Variants in DHRS13 observed in about 807,000 individuals in gnomAD.
DHRS13 encodes the protein dehydrogenase/reductase SDR family member 13.
A neutral mutation model predicts 17.9 loss-of-function variants in DHRS13; 22 were observed. The observed-to-expected ratio is 1.23, with a 90% CI of 0.88 to 1.75. The LOEUF is 1.75. Ranked by LOEUF, DHRS13 falls within the 40% of genes most tolerant of loss-of-function variation. DHRS13 has a pLI of 0.00. For missense variants in DHRS13, 483 were observed against 519.9 expected (o/e 0.93, Z 0.69); for synonymous variants, 206 against 220.4 (o/e 0.93, Z 0.58).
In DHRS13 at chr17:28,901,675, C is replaced by T. The variant is rs1018214817; in HGVS notation, c.247-59G>A. 5 of 1,600,290 alleles carry T rather than the reference C, an allele frequency of 3.1e-6. No homozygotes were observed. Among genetic ancestry groups the T allele is most frequent in the Non-Finnish European group, 4.3e-6 (5 of 1,171,004 alleles). ...GCATCTCTCTCCTCTTCCCTCTCCCCAGGCACCAAATTCTGAGAGTCCATC... is the reference window on the plus strand; with the variant it reads ...GCATCTCTCTCCTCTTCCCTCTCCCTAGGCACCAAATTCTGAGAGTCCATC... On this transcript the variant is annotated intron_variant, in intron 2 of 4. Transcript: ENST00000378895. This position sits in a 1 kb window ranked among gnomAD's most constrained non-coding sequence, Gnocchi z 4.3.
chr17:28,901,586 C>T lies in DHRS13; in HGVS notation c.277G>A (p.Ala93Thr). 2 of 1,614,228 alleles carry T rather than the reference C, an allele frequency of 1.2e-6. No homozygotes were observed. Among genetic ancestry groups the T allele is most frequent in the Middle Eastern group, 1.6e-4 (1 of 6,062 alleles). ...GAGGCCAGACTGGCCAAGTCCAAGG[C>T]CATGAAGATGACCTCATTGTTCCCA... ...ESGNNEVIFM[A>T]LDLASLASVR... Residue 93 changes from alanine (A) to threonine (T), a missense_variant, in exon 3 of 5, where the codon GCC becomes ACC. Physicochemically the swap from Ala to Thr is moderately conservative, Grantham distance 58. Coordinates refer to ENST00000378895, the MANE Select transcript of DHRS13 (RefSeq NM_144683.4). The surrounding 1 kb of genome is among the most constrained non-coding windows in gnomAD (Gnocchi z 4.3).
rs1444426276 is a variant in DHRS13, at chr17:28,901,778, C to G, written c.247-162G>C. Reference sequence around the variant, plus strand: ...GTGTGGATTCAAATCCTGACTTTGCCTTTTACTAAAGTGTGACCTTGGGCA... The same window carrying G: ...GTGTGGATTCAAATCCTGACTTTGCGTTTTACTAAAGTGTGACCTTGGGCA... On this transcript the variant is annotated intron_variant, in intron 2 of 4. Transcript: ENST00000378895. The surrounding 1 kb of genome is among the most constrained non-coding windows in gnomAD (Gnocchi z 4.3). 7 of 1,267,884 alleles carry G rather than the reference C, an allele frequency of 5.5e-6. No homozygotes were observed. The highest frequency in any genetic ancestry group is 7.4e-6 in the Non-Finnish European group (7 of 947,990). The allele number at this position is 1,267,884 out of a possible 1,614,324, so 78.5% of individuals were successfully genotyped here.
rs1007613799 is a variant in DHRS13, at chr17:28,901,799, G to A, written c.247-183C>T. Reference sequence around the variant, plus strand: ...TTGCCTTTTACTAAAGTGTGACCTTGGGCAAGATACTTAATCTCTCTGGGT... The same window carrying A: ...TTGCCTTTTACTAAAGTGTGACCTTAGGCAAGATACTTAATCTCTCTGGGT... On this transcript the variant is annotated intron_variant, in intron 2 of 4. Transcript: ENST00000378895. The surrounding 1 kb of genome is among the most constrained non-coding windows in gnomAD (Gnocchi z 4.3). The A allele has an allele frequency of 7.4e-5, 70 of 948,454 alleles. No individual in the cohort carries two copies. The highest frequency in any genetic ancestry group is 1.8e-4 in the Admixed American group (6 of 32,510). 58.8% of individuals were successfully genotyped at this position (948,454 alleles called of 1,614,324 possible). A position where few individuals can be genotyped will look rare whatever the true frequency, so the allele number is the denominator to read the frequency against.
Position 28,898,634 on chromosome 17 carries a change from C to T in DHRS13, c.941G>A (p.Gly314Glu). 6.2e-7 allele frequency: 1 copy of T among 1,613,692 alleles called. No individual in the cohort carries two copies. The highest frequency in any genetic ancestry group is 8.5e-7 in the Non-Finnish European group (1 of 1,179,860). ...ATCGGGTTCAGCATCCTCCCCAGGCCCAAGCCCTGCCAGCCTCTTGCTGGC... is the reference window on the plus strand; with the variant it reads ...ATCGGGTTCAGCATCCTCCCCAGGCTCAAGCCCTGCCAGCCTCTTGCTGGC... Reference protein sequence around the residue: ...WEASKRLAGLGPGEDAEPDED... With the variant: ...WEASKRLAGLEPGEDAEPDED... The change falls in exon 5 of 5, where the codon GGG becomes GAG. Residue 314 changes from glycine (G) to glutamate (E), a missense_variant. Coordinates refer to ENST00000378895, the MANE Select transcript of DHRS13 (RefSeq NM_144683.4).
intron 4 of DHRS13, among the ~76,000 whole-genome samples, 189 bp downstream of exon 4, chr17:28,900,801 C>A (rs777181629): frequency 6.6e-6 from 1 of 152,140 alleles, no homozygotes; most frequent in Non-Finnish European, 1.5e-5. Flanking sequence ...AGAGGAAGAA[C>A]CTAAACCAGG....
At position 28,902,740 on chromosome 17, in the gene DHRS13, G is replaced by A; in HGVS notation, c.128-39C>T. The A allele has an allele frequency of 7.3e-7, 1 of 1,373,854 alleles. No homozygotes were observed. 85.1% of individuals were successfully genotyped at this position (1,373,854 alleles called of 1,614,324 possible). A position where few individuals can be genotyped will look rare whatever the true frequency, so the allele number is the denominator to read the frequency against. ...GCGGGAGCCGAGCTGAGCTGAGCCC[G>A]GCGGGCCGCTGCTACCGCCGGCCCG... On this transcript the variant is annotated intron_variant, in intron 1 of 4. Transcript: ENST00000378895. This position sits in a 1 kb window ranked among gnomAD's most constrained non-coding sequence, Gnocchi z 4.0.
intron 4 of DHRS13, among the ~76,000 whole-genome samples, chr17:28,900,314 C>T (rs930705322): frequency 2.0e-5 from 3 of 152,338 alleles, no homozygotes; most frequent in Non-Finnish European, 1.5e-5. Flanking sequence ...CAGGCATGAG[C>T]CACCGCTTCC....
Position 28,902,456 on chromosome 17 carries a change from T to A in DHRS13, c.246+127A>T. ...ACCCCAGCGCTCCGTGCACTCCCTC[T>A]TCGCGCTCAGCCGCCCGCGCCGCGC... is the stretch of plus-strand genomic sequence containing the variant. On this transcript the variant is annotated intron_variant, in intron 2 of 4. Transcript: ENST00000378895. This position sits in a 1 kb window ranked among gnomAD's most constrained non-coding sequence, Gnocchi z 4.0. 9.5e-7 allele frequency: 1 copy of A among 1,051,576 alleles called. No individual in the cohort carries two copies. The highest frequency in any genetic ancestry group is 1.3e-6 in the Non-Finnish European group (1 of 786,740). 65.1% of individuals were successfully genotyped at this position (1,051,576 alleles called of 1,614,324 possible).
Position 28,898,791 on chromosome 17 carries a change from C to G in DHRS13, c.784G>C (p.Ala262Pro). 1.2e-6 allele frequency: 2 copies of G among 1,611,952 alleles called. No homozygotes were observed. The highest frequency in any genetic ancestry group is 1.7e-6 in the Non-Finnish European group (2 of 1,179,238). Residue 262 changes from alanine to proline, a missense_variant, in exon 5 of 5, where the codon GCC becomes CCC. Physicochemically the swap from Ala to Pro is conservative, Grantham distance 27. Transcript: ENST00000378895. ...WLVLRAPRGGAQTPLYCALQE... is the reference protein window; with the variant it reads ...WLVLRAPRGGPQTPLYCALQE... ...AGAGCACAATACAGGGGTGTCTGGG[C>G]ACCCCCTCTTGGTGCCCGGAGCACC...
chr17:28,898,835 A>G lies in DHRS13; in HGVS notation c.740T>C (p.Leu247Ser), dbSNP rs1472556533. The change falls in exon 5 of 5, where the codon TTG becomes TCG. Residue 247 changes from leucine to serine, a missense_variant. Coordinates refer to ENST00000378895, the MANE Select transcript of DHRS13 (RefSeq NM_144683.4). ...RHVPGWLRPL[L>S]RPLAWLVLRA... ...GAGCACCAGCCAAGCCAATGGGCGC[A>G]AAAGTGGGCGCAGCCATCCAGGAAC... 6.2e-7 allele frequency: 1 copy of G among 1,607,856 alleles called. No homozygotes were observed. Among genetic ancestry groups the G allele is most frequent in the Admixed American group, 1.7e-5 (1 of 59,124 alleles).
In DHRS13 at chr17:28,900,385, C is replaced by T. The variant is rs372998362; in HGVS notation, c.682+605G>A. ...TTTTTCTGGGCATCTCCCCAGTGAG[C>T]CATGTATCTTTCAGACCTCTGTTCA... is the stretch of plus-strand genomic sequence containing the variant. On this transcript the variant is annotated intron_variant, in intron 4 of 4. Coordinates refer to ENST00000378895, the MANE Select transcript of DHRS13 (RefSeq NM_144683.4). Among the ~76,000 whole-genome samples the T allele has an allele frequency of 3.6e-4, 55 of 152,322 alleles. No homozygotes were observed. The Middle Eastern group carries it at 0.02, about 57-fold the overall frequency.
chr17:28,899,910 T>C lies in DHRS13; in HGVS notation c.683-1018A>G, dbSNP rs917224609. ...TGTAGTAGAGACAGGTTTTCTTTTT[T>C]TTTTCTTTTTTCTTTTTTTTTGAGA... is the stretch of plus-strand genomic sequence containing the variant. On this transcript the variant is annotated intron_variant, in intron 4 of 4. Transcript: ENST00000378895. The surrounding 1 kb of genome is among the most constrained non-coding windows in gnomAD (Gnocchi z 4.7). Among the ~76,000 whole-genome samples the C allele has an allele frequency of 1.3e-5, 2 of 151,338 alleles. No homozygotes were observed. The highest frequency in any genetic ancestry group is 1.3e-4 in the Admixed American group (2 of 15,210).
intron 4 of DHRS13, 128 bp downstream of exon 4, chr17:28,900,862 T>C: frequency 9.1e-7 from 1 of 1,094,168 alleles, no homozygotes; most frequent in Non-Finnish European, 1.3e-6. Flanking sequence ...TGGACTATGC[T>C]TCCTTGCTGC....
rs1465873626 is a variant in DHRS13, at chr17:28,903,049, G to C, written c.-105C>G. 9.5e-6 allele frequency: 10 copies of C among 1,047,226 alleles called. No homozygotes were observed. In the East Asian group the frequency reaches 1.1e-4, roughly 11 times the overall value. 64.9% of individuals were successfully genotyped at this position (1,047,226 alleles called of 1,614,324 possible). ...CAGGCCTGGAACGGCGCCCGGGCGC[G>C]TCAGCCTCCGAAGGCGGAGGCGGGC... is the stretch of plus-strand genomic sequence containing the variant. On this transcript the variant is annotated 5_prime_UTR_variant, in exon 1 of 5. Transcript: ENST00000378895. The surrounding 1 kb of genome is among the most constrained non-coding windows in gnomAD (Gnocchi z 4.8).
In DHRS13 at chr17:28,898,363, T is replaced by C; in HGVS notation, c.*78A>G. 6.8e-7 allele frequency: 1 copy of C among 1,475,936 alleles called. No individual in the cohort carries two copies. Among genetic ancestry groups the C allele is most frequent in the Admixed American group, 2.6e-5 (1 of 38,630 alleles). The allele number at this position is 1,475,936 out of a possible 1,614,324, so 91.4% of individuals were successfully genotyped here. On this transcript the variant is annotated 3_prime_UTR_variant, in exon 5 of 5. Coordinates refer to ENST00000378895, the MANE Select transcript of DHRS13 (RefSeq NM_144683.4). ...GAGGTCAAGATCACAAACCCGTCAG[T>C]GTCCAGGGCATGGCCTCGCACACAT...
chr17:28,898,735 T>C lies in DHRS13; in HGVS notation c.840A>G (p.Arg280=), dbSNP rs374101036. The stretch of plus-strand genomic sequence containing the variant: ...CTTCCACATGGCAGTTGGCAAAATA[T>C]CTCCCACTGAGGGGCTCGATGCCCT... ...LQEGIEPLSG[R]YFANCHVEEV... is the part of the protein sequence containing the mutation. The change falls in exon 5 of 5, where the codon AGA becomes AGG. Residue 280 remains arginine, a synonymous_variant. Transcript: ENST00000378895. 1 of 1,613,890 alleles carries C rather than the reference T, an allele frequency of 6.2e-7. No homozygotes were observed. The highest frequency in any genetic ancestry group is 1.7e-5 in the Admixed American group (1 of 59,988).
chr17:28,898,503 CT>C lies in DHRS13; in HGVS notation c.1071del (p.Asp358IlefsTer5), dbSNP rs750519578. 45 of 1,602,022 alleles carry C rather than the reference CT, an allele frequency of 2.8e-5. No homozygotes were observed. The highest frequency in any genetic ancestry group is 3.7e-5 in the Non-Finnish European group (44 of 1,173,858). On this transcript the variant is annotated frameshift_variant, in exon 5 of 5. Coordinates refer to ENST00000378895, the MANE Select transcript of DHRS13 (RefSeq NM_144683.4). LOFTEE classifies it high-confidence loss of function. ...SQPYPSPQSS[P>X]DLSKMTHRIQ... Reference sequence around the variant, plus strand: ...ATTCGGTGCGTCATCTTAGACAAATCTGGTGAGCTCTGAGGGCTGGGGTAAG... The same window carrying C: ...ATTCGGTGCGTCATCTTAGACAAATCGGTGAGCTCTGAGGGCTGGGGTAAG...
Position 28,902,545 on chromosome 17 carries a change from C to A in DHRS13, c.246+38G>T. On this transcript the variant is annotated intron_variant, in intron 2 of 4. Coordinates refer to ENST00000378895, the MANE Select transcript of DHRS13 (RefSeq NM_144683.4). The surrounding 1 kb of genome is among the most constrained non-coding windows in gnomAD (Gnocchi z 4.0). ...TGGCTTCTCTGTGTCCCGGCGGGTT[C>A]TCGGCTCACCGTCCCACGCGCCCCC... 1 of 1,454,562 alleles carries A rather than the reference C, an allele frequency of 6.9e-7. No individual in the cohort carries two copies. Among genetic ancestry groups the A allele is most frequent in the South Asian group, 1.3e-5 (1 of 74,880 alleles). The allele number at this position is 1,454,562 out of a possible 1,614,324, so 90.1% of individuals were successfully genotyped here. A position where few individuals can be genotyped will look rare whatever the true frequency, so the allele number is the denominator to read the frequency against.
Position 28,898,868 on chromosome 17 carries a change from AG to A in DHRS13, c.706del (p.Leu236CysfsTer101), listed in dbSNP as rs1423440839. 4 of 1,595,374 alleles carry A rather than the reference AG, an allele frequency of 2.5e-6. No individual in the cohort carries two copies. The highest frequency in any genetic ancestry group is 3.4e-6 in the Non-Finnish European group (4 of 1,170,206). ...GCGCAGCCATCCAGGAACATGGCGC[AG>A]GAACAGCTCCGAGTTCACAGGCCCT... ...HPGPVNSELF[L>X]RHVPGWLRPL... On this transcript the variant is annotated frameshift_variant, in exon 5 of 5. Transcript: ENST00000378895. LOFTEE classifies it high-confidence loss of function.
Sources: allele counts gnomAD v4.1 joint callset (sites outside exome capture counted in the v4.1 genomes callset), GRCh38; gene constraint gnomAD v4.1.1; non-coding constraint Gnocchi (gnomAD v3.1); transcripts MANE v1.5; gene names NCBI Gene and HGNC (gene_info 2026-07-23, HGNC 2026-07-21).